The following CFAP74 variants were observed in gnomAD, a reference collection of about 807,000 sequenced individuals.
CFAP74 encodes the protein cilia and flagella associated protein 74.
Under a neutral mutation model 188.9 loss-of-function variants are expected in CFAP74, and 124 were observed. That is an observed-to-expected ratio of 0.66 (90% confidence interval 0.57 to 0.76). CFAP74 has a LOEUF of 0.76. Among genes scored for constraint, CFAP74 ranks in the 30% least tolerant of loss-of-function variants. CFAP74 has a pLI of 0.00. For missense variants in CFAP74, 2,198 were observed against 2,165.2 expected, an observed-to-expected ratio of 1.02 and a Z score of -0.30; for synonymous variants, 956 against 916.7, an observed-to-expected ratio of 1.04 and a Z score of -0.77.
chr1:1,923,937 T>A lies in CFAP74; in HGVS notation c.4235-8A>T. 1.2e-6 allele frequency: 2 copies of A among 1,603,760 alleles called. No homozygotes were observed. The highest frequency in any genetic ancestry group is 1.7e-6 in the Non-Finnish European group (2 of 1,174,732). On this transcript the variant is annotated splice_region_variant and splice_polypyrimidine_tract_variant and intron_variant, in intron 34 of 38. Transcript: ENST00000682832. The surrounding 1 kb of genome is among the most constrained non-coding windows in gnomAD (Gnocchi z 6.3). ...CGTTGAGATTCTGCGTCCCTGCGGG[T>A]AGGGTGGGGTGCAGTTTGGCCTTCT...
intron 27 of CFAP74, among the ~76,000 whole-genome samples, chr1:1,928,493 G>A (rs1652096604): frequency 6.6e-6 from 1 of 152,228 alleles, no homozygotes; most frequent in Non-Finnish European, 1.5e-5. Context: ...GGTTGTTGGA[G>A]GGGCCCTTCA....
At chr1:1,924,060 A>G (rs1360671122) in intron 34 of CFAP74, 131 bp from the exon 35 acceptor site, 23 of 685,248 alleles carry the variant, frequency 3.4e-5, no homozygotes, top group Admixed American at 1.6e-4. Context: ...GGTCCCCCCA[A>G]TGGCCTTGCG....
intron 33 of CFAP74, among the ~76,000 whole-genome samples, chr1:1,924,969 C>T (rs748006995): frequency 2.1e-4 from 32 of 151,938 alleles, no homozygotes; most frequent in African/African-American, 7.0e-4. Context: ...CACACTCGTG[C>T]GAAGGCATGA....
At chr1:1,995,669 G>A (rs769977072) in intron 1 of CFAP74, among the ~76,000 whole-genome samples, 3 of 151,880 alleles carry the variant, frequency 2.0e-5, no homozygotes, top group Non-Finnish European at 2.9e-5. Context: ...CAGCATTTTG[G>A]GAGGCAGAGG....
Position 1,975,510 on chromosome 1 carries a change from C to T in CFAP74, c.501-1312G>A, listed in dbSNP as rs1656381561. On this transcript the variant is annotated intron_variant, in intron 6 of 38. Transcript: ENST00000682832. This position sits in a 1 kb window ranked among gnomAD's most constrained non-coding sequence, Gnocchi z 4.5. ...GGTTCTACTTTCCCTCTCTCGTACG[C>T]CCACTTGGTTTTGGCATCGAGGTTG... 6.6e-6 allele frequency among the ~76,000 whole-genome samples: 1 copy of T among 152,092 alleles called. No homozygotes were observed. Among genetic ancestry groups the T allele is most frequent in the Admixed American group, 6.5e-5 (1 of 15,268 alleles).
chr1:1,957,658 C>T (rs933893616), intron 16 of CFAP74, among the ~76,000 whole-genome samples: 3 of 152,184 alleles, frequency 2.0e-5, no homozygotes, highest in African/African-American at 7.2e-5. Flanking sequence ...CACCTGGGGC[C>T]TCGCCGGGCA....
Position 1,949,412 on chromosome 1 carries a change from C to G in CFAP74, c.2177-2358G>C, listed in dbSNP as rs144898803. Among the ~76,000 whole-genome samples the G allele has an allele frequency of 4.5e-3, 691 of 152,206 alleles. 2 individuals are homozygous for G. The highest frequency in any genetic ancestry group is 7.0e-3 in the Non-Finnish European group (476 of 68,004). ...TGACCTCAAGTGATCCGCTTGGCCT[C>G]CCAAAGTGCTGGGATTACAAGTGTA... On this transcript the variant is annotated intron_variant, in intron 18 of 38. Coordinates refer to ENST00000682832, the MANE Select transcript of CFAP74 (RefSeq NM_001304360.2).
intron 25 of CFAP74, among the ~76,000 whole-genome samples, chr1:1,934,821 C>T (rs74201002): frequency 3.1e-5 from 1 of 31,888 alleles, no homozygotes; most frequent in African/African-American, 1.3e-4. Context: ...GTGGGTGTTA[C>T]GTTGTAGGTA....
chr1:1,937,105 T>G (rs1425291408), intron 25 of CFAP74, among the ~76,000 whole-genome samples: 1 of 152,196 alleles, frequency 6.6e-6, no homozygotes, highest in African/African-American at 2.4e-5. Context: ...GGACTCCACG[T>G]GTGCCTCAGA....
At chr1:1,981,852 C>A (rs57434649) in intron 6 of CFAP74, among the ~76,000 whole-genome samples, 39 of 62,800 alleles carry the variant, frequency 6.2e-4, no homozygotes, top group Non-Finnish European at 7.5e-4. Context: ...CGCAGGACAC[C>A]CAGCCGCGGA....
chr1:1,988,380 T>G (rs1275276396), intron 4 of CFAP74, 132 bp downstream of exon 4: 1 of 1,100,326 alleles, frequency 9.1e-7, no homozygotes, highest in South Asian at 1.4e-5. Context: ...TGCTCCTCCA[T>G]GGAGACCCTG....
rs1264002569 is a variant in CFAP74, at chr1:1,930,262, G to A, written c.3086C>T (p.Ala1029Val). The change falls in exon 26 of 39, where the codon GCC (alanine) becomes GTC (valine). Residue 1029 changes from alanine (A) to valine (V), a missense_variant. Coordinates refer to ENST00000682832, the MANE Select transcript of CFAP74 (RefSeq NM_001304360.2). ...LELSHYQIKF[A>V]ATALYDTSVA... Reference sequence around the variant, plus strand: ...GGAGGTGTCGTATAGGGCCGTGGCGGCAAACTTGATCTGGTAGTGGGACAG... The same window carrying A: ...GGAGGTGTCGTATAGGGCCGTGGCGACAAACTTGATCTGGTAGTGGGACAG... The A allele has an allele frequency of 5.9e-6, 9 of 1,535,510 alleles. No homozygotes were observed. The Admixed American group carries it at 5.9e-5, about 10-fold the overall frequency.
At chr1:1,948,507 G>A (rs1218051752) in intron 18 of CFAP74, among the ~76,000 whole-genome samples, 1 of 151,028 alleles carries the variant, frequency 6.6e-6, no homozygotes, top group Non-Finnish European at 1.5e-5. Flanking sequence ...CGATCCTCCT[G>A]CGTTGGCCCT....
intron 12 of CFAP74, 39 bp downstream of exon 12, chr1:1,966,332 G>T (rs769697736): frequency 2.1e-6 from 3 of 1,451,964 alleles, no homozygotes; most frequent in South Asian, 2.9e-5. Context: ...AGAGGGCCGG[G>T]GTCCGTCTGC....
chr1:1,928,760 C>G, intron 27 of CFAP74, 24 bp downstream of exon 27: 166 of 1,508,118 alleles, frequency 1.1e-4, no homozygotes, highest in Non-Finnish European at 1.4e-4. Flanking sequence ...CGACCTACGC[C>G]CCTCCTTCCC....
At chr1:1,971,285 G>A (rs891680731) in intron 9 of CFAP74, among the ~76,000 whole-genome samples, 4 of 140,740 alleles carry the variant, frequency 2.8e-5, no homozygotes, top group Middle Eastern at 4.9e-3. Context: ...CTGCACACAC[G>A]TGCACATACA....
chr1:1,955,576 G>C (rs753364651), intron 18 of CFAP74, 115 bp downstream of exon 18: 16 of 1,612,122 alleles, frequency 9.9e-6, no homozygotes, highest in Non-Finnish European at 1.4e-5. Context: ...AACATCGAAG[G>C]CCTAGGAAAA....
intron 21 of CFAP74, 85 bp downstream of exon 21, chr1:1,944,246 G>A (rs1445174898): frequency 1.3e-6 from 2 of 1,494,178 alleles, no homozygotes; most frequent in African/African-American, 2.8e-5. Flanking sequence ...TGGACAGGAG[G>A]GGGCTCACCG....
At chr1:2,000,572 T>G (rs1028955053) in intron 1 of CFAP74, among the ~76,000 whole-genome samples, 2 of 152,204 alleles carry the variant, frequency 1.3e-5, no homozygotes, top group African/African-American at 4.8e-5. Flanking sequence ...TAAAACCGAG[T>G]TGATGGCAGG....
Sources: gnomAD v4.1 joint callset for allele counts (sites outside exome capture counted in the v4.1 genomes callset) on GRCh38, gnomAD v4.1.1 for gene constraint, Gnocchi (gnomAD v3.1) non-coding constraint, MANE v1.5 for transcripts, NCBI Gene and HGNC (gene_info 2026-07-23, HGNC 2026-07-21) for gene names.